CACNA2D3: variants seen among roughly 807,000 people sequenced by gnomAD.
CACNA2D3 encodes calcium voltage-gated channel auxiliary subunit alpha2delta 3.
Under a neutral mutation model 160.6 loss-of-function variants are expected in CACNA2D3, and 60 were observed. That is an observed-to-expected ratio of 0.37 (90% CI 0.30 to 0.46). CACNA2D3 has a LOEUF of 0.46. CACNA2D3 is among the 20% of genes least tolerant of loss of function. The pLI is 1.00. For synonymous variants in CACNA2D3, 558 were observed against 492.9 expected (o/e 1.13, Z -1.75); for missense variants, 1,205 against 1,365.0 (o/e 0.88, Z 1.85).
intron 2 of CACNA2D3, among the ~76,000 whole-genome samples, chr3:54,125,288 G>A (rs1398124359): frequency 2.3e-4 from 33 of 146,664 alleles, no homozygotes; most frequent in Admixed American, 2.2e-3. Flanking sequence ...ACAAAACTCC[G>A]TCAACCTTAT....
At chr3:54,322,068 A>T (rs1017023085) in intron 3 of CACNA2D3, among the ~76,000 whole-genome samples, 4 of 152,224 alleles carry the variant, frequency 2.6e-5, no homozygotes, top group Admixed American at 6.5e-5. Flanking sequence ...ACAATTGACA[A>T]AGTAGCCCTG....
rs761846307 is a variant in CACNA2D3 at position 54,837,165 on chromosome 3, G to C, written c.1405G>C (p.Asp469His). 6.4e-5 allele frequency: 103 copies of C among 1,613,808 alleles called. No homozygotes were observed. Among genetic ancestry groups the C allele is most frequent in the Non-Finnish European group, 7.6e-5 (90 of 1,179,834 alleles). ...STLPQAQKLT[D>H]DQGPVLMTTV... ...GCTTTTCTCTTCCATCCAGCTGACT[G>C]ATGATCAGGGCCCCGTCCTGATGAC... The change falls in exon 15 of 38, where the codon GAT (aspartate) becomes CAT (histidine). Residue 469 changes from aspartate (D) to histidine (H), a missense_variant. By Grantham distance (81) the Asp-to-His change is moderately conservative. Around this residue, in one of 3 missense-constraint regions of CACNA2D3, gnomAD observed 911 missense variants for 1,002.2 expected, o/e 0.91. Transcript: ENST00000474759.
At chr3:54,666,487 T>A (rs527869495) in intron 11 of CACNA2D3, among the ~76,000 whole-genome samples, 1 of 152,350 alleles carries the variant, frequency 6.6e-6, no homozygotes, top group South Asian at 2.1e-4. Flanking sequence ...GGAGCGTTAC[T>A]GCCTCAGTTT....
intron 9 of CACNA2D3, among the ~76,000 whole-genome samples, chr3:54,618,487 C>A (rs1248420865): frequency 6.6e-6 from 1 of 151,174 alleles, no homozygotes; most frequent in Middle Eastern, 3.2e-3. Context: ...AAGTTTAATA[C>A]CCATATGTAA....
At position 54,461,410 on chromosome 3, in the gene CACNA2D3, C is replaced by A. The variant is rs546199805; in HGVS notation, c.382-42082C>A. ...GGCTGTGAATCCATCTGGTCCTGGACTCTTTTTGATTGGTAAGCTATTGAT... is the reference window on the plus strand; with the variant it reads ...GGCTGTGAATCCATCTGGTCCTGGAATCTTTTTGATTGGTAAGCTATTGAT... On this transcript the variant is annotated intron_variant, in intron 4 of 37. Transcript: ENST00000474759. Among the ~76,000 whole-genome samples, 259 of 151,384 alleles carry A rather than the reference C, an allele frequency of 1.7e-3. 3 individuals are homozygous for A. Among genetic ancestry groups the A allele is most frequent in the African/African-American group, 4.8e-3 (200 of 41,310 alleles).
chr3:54,749,676 T>C (rs999486469), intron 11 of CACNA2D3, among the ~76,000 whole-genome samples: 3 of 152,230 alleles, frequency 2.0e-5, no homozygotes, highest in African/African-American at 7.2e-5. Flanking sequence ...CTGTGAGAGA[T>C]GTAGGACGTG....
At chr3:54,707,034 C>T (rs1022478215) in intron 11 of CACNA2D3, among the ~76,000 whole-genome samples, 1 of 152,186 alleles carries the variant, frequency 6.6e-6, no homozygotes, top group Non-Finnish European at 1.5e-5. Context: ...TTACAAAGGC[C>T]TCCTTTACAA....
chr3:55,038,336 G>T (rs1195681134), intron 35 of CACNA2D3, among the ~76,000 whole-genome samples: 1 of 151,926 alleles, frequency 6.6e-6, no homozygotes, highest in Non-Finnish European at 1.5e-5. Context: ...TTTTCCAATG[G>T]GTTTTCTATG....
At chr3:54,675,188 G>A (rs1700218419) in intron 11 of CACNA2D3, among the ~76,000 whole-genome samples, 1 of 152,162 alleles carries the variant, frequency 6.6e-6, no homozygotes, top group Non-Finnish European at 1.5e-5. Flanking sequence ...TGCAGGGTTT[G>A]GGAGACAGGG....
intron 12 of CACNA2D3, among the ~76,000 whole-genome samples, chr3:54,762,970 C>G (rs571599801): frequency 6.6e-6 from 1 of 151,986 alleles, no homozygotes; most frequent in African/African-American, 2.4e-5. Context: ...TGCCTGTAGT[C>G]CCAGCTACTC....
intron 11 of CACNA2D3, among the ~76,000 whole-genome samples, chr3:54,646,176 CTCCCTCCCTCCT>C (rs1382543196): frequency 1.2e-4 from 3 of 25,674 alleles, no homozygotes; most frequent in African/African-American, 3.7e-4. Context: ...CCCTCCCTCC[CTCCCTCCCTCCT>C]TCCTTGCTTC....
At chr3:54,325,745 A>G (rs1265445225) in intron 3 of CACNA2D3, among the ~76,000 whole-genome samples, 1 of 152,236 alleles carries the variant, frequency 6.6e-6, no homozygotes, top group African/African-American at 2.4e-5. Context: ...GTGAAGAGAT[A>G]TAAAACACAA....
At chr3:54,281,288 G>T (rs574868342) in intron 2 of CACNA2D3, among the ~76,000 whole-genome samples, 11 of 152,316 alleles carry the variant, frequency 7.2e-5, no homozygotes, top group African/African-American at 2.6e-4. Flanking sequence ...GCACAGGAAG[G>T]CATCACTATA....
At chr3:54,386,838 TATACCAGGA>T in intron 4 of CACNA2D3, 64 bp downstream of exon 4, 4 of 1,408,122 alleles carry the variant, frequency 2.8e-6, no homozygotes, top group Middle Eastern at 1.8e-4. Flanking sequence ...AAGTACCAGG[TATACCAGGA>T]ATACTGATTT....
chr3:54,844,090 A>AAG (rs1698880567), intron 16 of CACNA2D3, among the ~76,000 whole-genome samples: 1 of 152,182 alleles, frequency 6.6e-6, no homozygotes, highest in Admixed American at 6.5e-5. Flanking sequence ...TAAGGCAGAC[A>AAG]GTAGGTACTG....
intron 35 of CACNA2D3, among the ~76,000 whole-genome samples, chr3:55,031,711 T>C (rs914214632): frequency 6.6e-6 from 1 of 152,276 alleles, no homozygotes; most frequent in African/African-American, 2.4e-5. Context: ...TTGGAAGATA[T>C]AGCCCAAGAA....
intron 2 of CACNA2D3, among the ~76,000 whole-genome samples, chr3:54,125,730 A>T (rs1699579186): frequency 6.6e-6 from 1 of 152,214 alleles, no homozygotes. Flanking sequence ...GTATTTTTAA[A>T]ATTAGCAAAG....
chr3:54,331,573 T>G (rs1704256341), intron 3 of CACNA2D3, among the ~76,000 whole-genome samples: 3 of 152,240 alleles, frequency 2.0e-5, no homozygotes. Flanking sequence ...GCCAAGACAC[T>G]ATGCTATGCT....
intron 35 of CACNA2D3, among the ~76,000 whole-genome samples, chr3:55,060,444 T>C (rs1704479418): frequency 6.6e-6 from 1 of 152,188 alleles, no homozygotes. Context: ...CAGGTCTAGC[T>C]CTGTAGAGTT....
Sources: allele counts gnomAD v4.1 joint callset (sites outside exome capture counted in the v4.1 genomes callset), GRCh38; gene constraint gnomAD v4.1.1; regional missense constraint gnomAD v4.1.1; transcripts MANE v1.5; gene names NCBI Gene and HGNC (gene_info 2026-07-23, HGNC 2026-07-21).